Variants in PRKN observed in about 807,000 individuals in gnomAD.
PRKN encodes the protein E3 ubiquitin-protein ligase parkin.
Under a neutral mutation model 59.5 loss-of-function variants are expected in PRKN, and 56 were observed. That is an observed-to-expected ratio of 0.94 (90% CI 0.76 to 1.18). The LOEUF is 1.18. Ranked by LOEUF, PRKN falls within the 50% of genes most tolerant of loss-of-function variation. The pLI is 0.00. For synonymous variants in PRKN, 250 were observed against 222.1 expected (o/e 1.13, Z -1.12); for missense variants, 657 against 596.4 (o/e 1.10, Z -1.06).
chr6:162,696,674 G>T (rs1401093556), intron 1 of PRKN, among the ~76,000 whole-genome samples: 1 of 147,622 alleles, frequency 6.8e-6, no homozygotes, highest in Admixed American at 7.0e-5. Context: ...CTCCCAAGCA[G>T]CAGGGACTAC....
At chr6:161,707,952 A>G (rs1276064781) in intron 7 of PRKN, among the ~76,000 whole-genome samples, 4 of 152,198 alleles carry the variant, frequency 2.6e-5, no homozygotes, top group Non-Finnish European at 4.4e-5. Context: ...AAGTCTAAAA[A>G]TGATCTAAAT....
chr6:161,642,952 A>T (rs1783796730), intron 7 of PRKN, among the ~76,000 whole-genome samples: 1 of 152,242 alleles, frequency 6.6e-6, no homozygotes, highest in Non-Finnish European at 1.5e-5. Context: ...TCCAGTCATC[A>T]TTCTTTTAAA....
chr6:161,715,944 A>G lies in PRKN; in HGVS notation c.871+69828T>C, dbSNP rs374741778. On this transcript the variant is annotated intron_variant, in intron 7 of 11. Coordinates refer to ENST00000366898, the MANE Select transcript of PRKN (RefSeq NM_004562.3). ...GAATTTGTTAGAAACTCAAATTATG[A>G]TACTCCACCCTAGACAGACTGGGTG... 3.6e-5 allele frequency: 16 copies of G among 441,418 alleles called. No individual in the cohort carries two copies. The East Asian group carries it at 1.1e-3, about 29-fold the overall frequency. 27.3% of individuals were successfully genotyped at this position (441,418 alleles called of 1,614,324 possible).
chr6:161,355,215 C>G lies in PRKN; in HGVS notation c.1285+4873G>C, dbSNP rs907500303. Among the ~76,000 whole-genome samples the G allele has an allele frequency of 4.6e-5, 7 of 152,230 alleles. No individual in the cohort carries two copies. Among genetic ancestry groups the G allele is most frequent in the Non-Finnish European group, 8.8e-5 (6 of 68,040 alleles). ...AGTCCTGGGGCCTAGGACGCCTCCT[C>G]CTGCTCTTCCTTGCCTTGCTCATAT... is the stretch of plus-strand genomic sequence containing the variant. On this transcript the variant is annotated intron_variant, in intron 11 of 11. Coordinates refer to ENST00000366898, the MANE Select transcript of PRKN (RefSeq NM_004562.3). The surrounding 1 kb of genome is among the most constrained non-coding windows in gnomAD (Gnocchi z 6.8).
At position 161,562,149 on chromosome 6, in the gene PRKN, C is replaced by A. The variant is rs1241861753; in HGVS notation, c.933+7206G>T. ...ATCAGCATTCCTCCTCTGGAAGCCC[C>A]GCCTTCTTGGCTTCCCCAACACCAT... is the stretch of plus-strand genomic sequence containing the variant. On this transcript the variant is annotated intron_variant, in intron 8 of 11. Coordinates refer to ENST00000366898, the MANE Select transcript of PRKN (RefSeq NM_004562.3). This position sits in a 1 kb window ranked among gnomAD's most constrained non-coding sequence, Gnocchi z 4.3. Among the ~76,000 whole-genome samples, 1 of 151,996 alleles carries A rather than the reference C, an allele frequency of 6.6e-6. No individual in the cohort carries two copies. The highest frequency in any genetic ancestry group is 2.4e-5 in the African/African-American group (1 of 41,386).
At chr6:162,346,355 C>A (rs560798871) in intron 2 of PRKN, among the ~76,000 whole-genome samples, 3 of 151,680 alleles carry the variant, frequency 2.0e-5, no homozygotes, top group Non-Finnish European at 2.9e-5. Context: ...GTGGCTCACA[C>A]CTGTAATCTC....
At position 161,445,774 on chromosome 6, in the gene PRKN, G is replaced by A. The variant is rs747075196; in HGVS notation, c.1084-58897C>T. ...TGGGCCCACTTTCCTGCTATTGGCCGCCAGCAAAGAATACAAGGGGTTTCC... is the reference window on the plus strand; with the variant it reads ...TGGGCCCACTTTCCTGCTATTGGCCACCAGCAAAGAATACAAGGGGTTTCC... On this transcript the variant is annotated intron_variant, in intron 9 of 11. Coordinates refer to ENST00000366898, the MANE Select transcript of PRKN (RefSeq NM_004562.3). This position sits in a 1 kb window ranked among gnomAD's most constrained non-coding sequence, Gnocchi z 7.7. 1.3e-5 allele frequency among the ~76,000 whole-genome samples: 2 copies of A among 150,950 alleles called. No individual in the cohort carries two copies. The highest frequency in any genetic ancestry group is 6.6e-5 in the Admixed American group (1 of 15,122).
At position 161,548,874 on chromosome 6, in the gene PRKN, C is replaced by T; in HGVS notation, c.1063G>A (p.Gly355Ser). 6.2e-7 allele frequency: 1 copy of T among 1,614,170 alleles called. No homozygotes were observed. Among genetic ancestry groups the T allele is most frequent in the Non-Finnish European group, 8.5e-7 (1 of 1,180,036 alleles). ...PDQRKVTCEG[G>S]NGLGCGFAFC... The stretch of plus-strand genomic sequence containing the variant: ...CTCACCCCACAGCCCAGGCCATTGC[C>T]CCCTTCGCAGGTGACTTTCCTCTGG... The change falls in exon 9 of 12, where the codon GGC becomes AGC. Residue 355 changes from glycine (G) to serine (S), a missense_variant. Physicochemically the swap from Gly to Ser is moderately conservative, Grantham distance 56 (BLOSUM62 0). Coordinates refer to ENST00000366898, the MANE Select transcript of PRKN (RefSeq NM_004562.3). This position sits in a 1 kb window ranked among gnomAD's most constrained non-coding sequence, Gnocchi z 4.2.
At chr6:162,100,630 G>C (rs887604328) in intron 4 of PRKN, among the ~76,000 whole-genome samples, 6 of 151,862 alleles carry the variant, frequency 4.0e-5, no homozygotes, top group Admixed American at 1.3e-4. Flanking sequence ...TTAGTACAGA[G>C]AGGGTTTTGC....
chr6:162,015,959 A>G (rs1478248817), intron 5 of PRKN, among the ~76,000 whole-genome samples: 1 of 152,204 alleles, frequency 6.6e-6, no homozygotes, highest in Non-Finnish European at 1.5e-5. Flanking sequence ...TTTGTACAAT[A>G]GAGCATAAAC....
chr6:161,590,723 G>A (rs571084184), intron 7 of PRKN, among the ~76,000 whole-genome samples: 26 of 146,638 alleles, frequency 1.8e-4, no homozygotes, highest in African/African-American at 6.3e-4. Flanking sequence ...ACGACAGAGT[G>A]AGACTCTGTC....
intron 6 of PRKN, among the ~76,000 whole-genome samples, chr6:161,875,213 G>A (rs1046468919): frequency 6.9e-6 from 1 of 144,070 alleles, no homozygotes; most frequent in South Asian, 2.2e-4. Context: ...ATTTTTTTCT[G>A]AGACAGAGTC....
intron 1 of PRKN, chr6:162,569,527 C>T (rs56350114): frequency 0.19 from 137,386 of 706,618 alleles, 15,801 homozygotes; most frequent in African/African-American, 0.38. Context: ...AGACCACCAG[C>T]GCCTATGCAG....
intron 4 of PRKN, among the ~76,000 whole-genome samples, chr6:162,067,567 T>C (rs1778391348): frequency 6.6e-6 from 1 of 152,256 alleles, no homozygotes; most frequent in African/African-American, 2.4e-5. Context: ...AAAGCATTGA[T>C]CATTTTGATG....
intron 5 of PRKN, among the ~76,000 whole-genome samples, chr6:161,979,358 C>G (rs577204800): frequency 6.6e-6 from 1 of 152,140 alleles, no homozygotes; most frequent in East Asian, 1.9e-4. Context: ...CTGCAACCTA[C>G]GCCTCCCAGT....
At chr6:162,271,016 GTTTTT>G (rs61368267) in intron 2 of PRKN, among the ~76,000 whole-genome samples, 1 of 108,256 alleles carries the variant, frequency 9.2e-6, no homozygotes, top group Non-Finnish European at 1.8e-5. Flanking sequence ...TAATTTTCTA[GTTTTT>G]TTTTTTTTTT....
chr6:161,956,247 C>T (rs1424196583), intron 6 of PRKN, among the ~76,000 whole-genome samples: 2 of 152,202 alleles, frequency 1.3e-5, no homozygotes, highest in Non-Finnish European at 2.9e-5. Flanking sequence ...GGCCTGTGCT[C>T]TTGATTCCAG....
chr6:162,415,774 G>A (rs1056587406), intron 2 of PRKN, among the ~76,000 whole-genome samples: 10 of 152,160 alleles, frequency 6.6e-5, no homozygotes, highest in South Asian at 4.2e-4. Flanking sequence ...CCCAAATTGC[G>A]CCACTGCACT....
chr6:161,970,823 C>A (rs936972338), intron 6 of PRKN, among the ~76,000 whole-genome samples: 4 of 152,160 alleles, frequency 2.6e-5, no homozygotes, highest in African/African-American at 9.7e-5. Context: ...CAGGCGTGAG[C>A]CACCGTGTCT....
Sources: gnomAD v4.1 joint callset for allele counts (sites outside exome capture counted in the v4.1 genomes callset) on GRCh38, gnomAD v4.1.1 for gene constraint, Gnocchi (gnomAD v3.1) non-coding constraint, MANE v1.5 for transcripts, NCBI Gene and HGNC (gene_info 2026-07-23, HGNC 2026-07-21) for gene names.